TTC33: variants seen among roughly 807,000 people sequenced by gnomAD.
The protein encoded by TTC33 is tetratricopeptide repeat protein 33.
Under a neutral mutation model 29.4 loss-of-function variants are expected in TTC33, and 24 were observed. The ratio of observed to expected loss-of-function variants is 0.82; its 90% confidence interval spans 0.59 to 1.15. TTC33 has a LOEUF of 1.15. Ranked by LOEUF, TTC33 falls within the 50% of genes most tolerant of loss-of-function variation. The probability of loss-of-function intolerance (pLI) is 0.00; values close to 1 mark genes in which losing one functional copy is unlikely to be tolerated. For synonymous variants in TTC33, 107 were observed against 100.3 expected (o/e 1.07, Z -0.40); for missense variants, 286 against 310.4 (o/e 0.92, Z 0.59).
At chr5:40,745,002 T>C (rs1742764105) in intron 2 of TTC33, among the ~76,000 whole-genome samples, 1 of 152,124 alleles carries the variant, frequency 6.6e-6, no homozygotes, top group Admixed American at 6.5e-5. Flanking sequence ...TAACTTTCAG[T>C]TTACAAGAAA....
chr5:40,731,857 A>G (rs1299686125), intron 2 of TTC33, among the ~76,000 whole-genome samples: 1 of 152,214 alleles, frequency 6.6e-6, no homozygotes, highest in African/African-American at 2.4e-5. Flanking sequence ...GCTCTAGCCC[A>G]CTAACTATGA....
At chr5:40,728,267 T>A (rs1742337662) in intron 4 of TTC33, 78 bp downstream of exon 4, 1 of 535,460 alleles carries the variant, frequency 1.9e-6, no homozygotes, top group South Asian at 2.2e-5. Flanking sequence ...CTGGGTGACA[T>A]CAAGACTCCA....
At chr5:40,723,271 C>T (rs1192720543) in intron 4 of TTC33, among the ~76,000 whole-genome samples, 1 of 151,954 alleles carries the variant, frequency 6.6e-6, no homozygotes, top group South Asian at 2.1e-4. Flanking sequence ...TCCCTAATCT[C>T]AAGTACCCAG....
intron 1 of TTC33, among the ~76,000 whole-genome samples, chr5:40,752,912 T>C (rs1232081406): frequency 1.3e-5 from 2 of 152,018 alleles, no homozygotes; most frequent in African/African-American, 2.4e-5. Flanking sequence ...ATCCCTGTAA[T>C]CACTAGAAGG....
intron 1 of TTC33, among the ~76,000 whole-genome samples, chr5:40,752,064 G>A (rs1742906342): frequency 6.6e-6 from 1 of 151,674 alleles, no homozygotes; most frequent in African/African-American, 2.4e-5. Flanking sequence ...GCTTTACTTT[G>A]CACTTTCATG....
chr5:40,742,135 T>G (rs1191989257), intron 2 of TTC33, among the ~76,000 whole-genome samples: 1 of 152,120 alleles, frequency 6.6e-6, no homozygotes, highest in East Asian at 1.9e-4. Context: ...ATTTTCTAGT[T>G]GTTTGGGGCC....
At position 40,730,307 on chromosome 5, in the gene TTC33, T is replaced by C. The variant is rs1286577330; in HGVS notation, c.258A>G (p.Leu86=). The C allele has an allele frequency of 6.2e-7, 1 of 1,612,762 alleles. No homozygotes were observed. Among genetic ancestry groups the C allele is most frequent in the Non-Finnish European group, 8.5e-7 (1 of 1,179,152 alleles). ...GGGTAGCATCATTTGGAGTTAACTGTAGTGCTTCATCCCACTTCTGAATTG... is the reference window on the plus strand; with the variant it reads ...GGGTAGCATCATTTGGAGTTAACTGCAGTGCTTCATCCCACTTCTGAATTG... The part of the protein sequence containing the change: ...REAIQKWDEA[L]QLTPNDATLY... The change falls in exon 3 of 5, where the codon CTA becomes CTG. Residue 86 remains leucine, a synonymous_variant. Transcript: ENST00000337702.
intron 2 of TTC33, among the ~76,000 whole-genome samples, chr5:40,743,102 C>A (rs1742726259): frequency 6.6e-6 from 1 of 152,100 alleles, no homozygotes. Context: ...TAAGTGTATA[C>A]AGTAACTTCA....
At chr5:40,736,600 C>A (rs971405748) in intron 2 of TTC33, among the ~76,000 whole-genome samples, 10 of 151,934 alleles carry the variant, frequency 6.6e-5, no homozygotes, top group African/African-American at 2.4e-4. Context: ...AAATAATTTA[C>A]AAAAATATAT....
At chr5:40,741,620 G>A (rs249421) in intron 2 of TTC33, among the ~76,000 whole-genome samples, 3 of 152,208 alleles carry the variant, frequency 2.0e-5, no homozygotes, top group Middle Eastern at 3.4e-3. Flanking sequence ...ATCTCCTCAC[G>A]CAGCAAGACC....
At chr5:40,734,989 G>A (rs988641682) in intron 2 of TTC33, among the ~76,000 whole-genome samples, 1 of 152,198 alleles carries the variant, frequency 6.6e-6, no homozygotes, top group Non-Finnish European at 1.5e-5. Flanking sequence ...AGACCTGAGT[G>A]ACAAAACGTG....
At chr5:40,736,105 G>A (rs1238865290) in intron 2 of TTC33, among the ~76,000 whole-genome samples, 1 of 152,164 alleles carries the variant, frequency 6.6e-6, no homozygotes, top group Non-Finnish European at 1.5e-5. Flanking sequence ...AAGGCACAAG[G>A]GGATGGGGTC....
At chr5:40,718,245 G>A (rs934570665) in intron 4 of TTC33, among the ~76,000 whole-genome samples, 1 of 150,986 alleles carries the variant, frequency 6.6e-6, no homozygotes, top group Non-Finnish European at 1.5e-5. Flanking sequence ...CTCTACTAAA[G>A]ATACAAAAAA....
chr5:40,719,974 T>C (rs1159831443), intron 4 of TTC33, among the ~76,000 whole-genome samples: 2 of 152,236 alleles, frequency 1.3e-5, no homozygotes, highest in Non-Finnish European at 2.9e-5. Context: ...AAATATTTTC[T>C]TCCATTCTGT....
intron 2 of TTC33, among the ~76,000 whole-genome samples, chr5:40,730,878 A>T (rs1561148003): frequency 6.6e-6 from 1 of 152,192 alleles, no homozygotes; most frequent in Non-Finnish European, 1.5e-5. Flanking sequence ...ACTTAGTATA[A>T]TTTAACACCC....
chr5:40,716,447 T>C lies in TTC33; in HGVS notation c.487A>G (p.Ile163Val), dbSNP rs754808767. The C allele has an allele frequency of 3.1e-6, 5 of 1,613,642 alleles. No individual in the cohort carries two copies. The South Asian group carries it at 4.4e-5, about 14-fold the overall frequency. The change falls in exon 5 of 5, where the codon ATA becomes GTA. Residue 163 changes from isoleucine to valine, a missense_variant. Coordinates refer to ENST00000337702, the MANE Select transcript of TTC33 (RefSeq NM_012382.3). The part of the protein sequence containing the change: ...ALHIYPMNPE[I>V]WKEDLSWART... ...GCCCAAGAGAGGTCTTCTTTCCATA[T>C]TTCAGGGTTCATTGGATAGATGTGA...
intron 4 of TTC33, among the ~76,000 whole-genome samples, chr5:40,721,145 C>T (rs1056959720): frequency 6.6e-6 from 1 of 152,098 alleles, no homozygotes; most frequent in Non-Finnish European, 1.5e-5. Context: ...ATGGGGACTA[C>T]CAAAAGGACT....
chr5:40,738,557 TA>T lies in TTC33; in HGVS notation c.222-8215del, dbSNP rs1424461309. Among the ~76,000 whole-genome samples, 135 of 129,852 alleles carry T rather than the reference TA, an allele frequency of 1.0e-3. 3 individuals are homozygous for T. The highest frequency in any genetic ancestry group is 3.6e-3 in the African/African-American group (131 of 36,202). The allele number at this position is 129,852 out of a possible 152,430, so 85.2% of individuals were successfully genotyped here. A position where few individuals can be genotyped will look rare whatever the true frequency, so the allele number is the denominator to read the frequency against. ...TAAAATACAATAAAATAAAATAAAA[TA>T]AAATAAAATATAAAATAAAATAAAA... On this transcript the variant is annotated intron_variant, in intron 2 of 4. Coordinates refer to ENST00000337702, the MANE Select transcript of TTC33 (RefSeq NM_012382.3).
rs1741956638 is a variant in TTC33, at chr5:40,714,363, G to A, written c.*1782C>T. On this transcript the variant is annotated 3_prime_UTR_variant, in exon 5 of 5. Coordinates refer to ENST00000337702, the MANE Select transcript of TTC33 (RefSeq NM_012382.3). ...ATAGCTGGCATTACTTCATGTGTGAGGCACCATGCAAGGTACTTTAAATAT... is the reference window on the plus strand; with the variant it reads ...ATAGCTGGCATTACTTCATGTGTGAAGCACCATGCAAGGTACTTTAAATAT... 6.6e-6 allele frequency: 1 copy of A among 152,120 alleles called. No individual in the cohort carries two copies. Among genetic ancestry groups the A allele is most frequent in the South Asian group, 2.1e-4 (1 of 4,828 alleles). The allele number at this position is 152,120 out of a possible 1,614,324, so 9.4% of individuals were successfully genotyped here.
Sources: gnomAD v4.1 joint callset for allele counts (sites outside exome capture counted in the v4.1 genomes callset) on GRCh38, gnomAD v4.1.1 for gene constraint, MANE v1.5 for transcripts, NCBI Gene and HGNC (gene_info 2026-07-23, HGNC 2026-07-21) for gene names.